UGT1A7: variants seen among roughly 807,000 people sequenced by gnomAD.
The protein encoded by UGT1A7 is UDP-glucuronosyltransferase 1A7.
In UGT1A7, 33 loss-of-function variants were observed where a neutral mutation model predicts 45.6. The observed-to-expected ratio is 0.72, with a 90% confidence interval of 0.55 to 0.97. The LOEUF (loss-of-function observed/expected upper bound fraction) is 0.97. Among genes scored for constraint, UGT1A7 ranks in the 50% least tolerant of loss-of-function variants. The pLI, the probability that UGT1A7 is intolerant of heterozygous loss-of-function variation, is 0.00. For missense variants in UGT1A7, 684 were observed against 666.2 expected, an observed-to-expected ratio of 1.03 and a Z score of -0.29; for synonymous variants, 274 against 250.6, an observed-to-expected ratio of 1.09 and a Z score of -0.88.
chr2:233,693,023 T>G lies in UGT1A7; in HGVS notation c.855+10231T>G, dbSNP rs6759892. ...TTCCAGGATGGCCTGCCTCCTTCGC[T>G]CATTTCAGAGAATTTCTGCAGGGGT... On this transcript the variant is annotated intron_variant, in intron 1 of 4. Transcript: ENST00000373426. The G allele has an allele frequency of 0.4, 650,213 of 1,613,808 alleles. 133,167 individuals are homozygous for G. Among genetic ancestry groups the G allele is most frequent in the South Asian group, 0.45 (41,315 of 91,030 alleles).
intron 2 of UGT1A7, among the ~76,000 whole-genome samples, chr2:233,767,485 A>G (rs764164317): frequency 5.9e-4 from 90 of 152,344 alleles, no homozygotes; most frequent in Non-Finnish European, 1.1e-3. Flanking sequence ...AAATAGAAGT[A>G]TTTCTCCAAA....
chr2:233,760,187 A>G, intron 1 of UGT1A7: 1 of 1,561,346 alleles, frequency 6.4e-7, no homozygotes, highest in East Asian at 2.3e-5. Flanking sequence ...TTTTATAGTC[A>G]CGTGACACAG....
rs746130687 is a variant in UGT1A7 at position 233,713,609 on chromosome 2, A to G, written c.855+30817A>G. 4 of 1,613,842 alleles carry G rather than the reference A, an allele frequency of 2.5e-6. No individual in the cohort carries two copies. In the African/African-American group the frequency reaches 4.0e-5, roughly 16 times the overall value. On this transcript the variant is annotated intron_variant, in intron 1 of 4. Transcript: ENST00000373426. ...TAACGACCAATTCAGACCACATGACATTCCTGCAAAGGGTCAAGAACATGC... is the reference window on the plus strand; with the variant it reads ...TAACGACCAATTCAGACCACATGACGTTCCTGCAAAGGGTCAAGAACATGC...
intron 1 of UGT1A7, among the ~76,000 whole-genome samples, chr2:233,752,117 AGAT>A (rs1222756938): frequency 6.6e-6 from 1 of 152,242 alleles, no homozygotes; most frequent in African/African-American, 2.4e-5. Flanking sequence ...GAGGAGAAGA[AGAT>A]GATGGACAGA....
intron 1 of UGT1A7, among the ~76,000 whole-genome samples, chr2:233,725,299 C>G (rs59772713): frequency 6.9e-5 from 3 of 43,506 alleles, no homozygotes; most frequent in African/African-American, 2.7e-4. Flanking sequence ...GAGGCAGAGG[C>G]AGAGGCAGAG....
chr2:233,686,416 T>C (rs2074788594), intron 1 of UGT1A7, among the ~76,000 whole-genome samples: 1 of 152,184 alleles, frequency 6.6e-6, no homozygotes, highest in Non-Finnish European at 1.5e-5. Context: ...GGTGTGCAGA[T>C]AAACACACGC....
intron 1 of UGT1A7, among the ~76,000 whole-genome samples, chr2:233,741,146 C>T (rs1691577481): frequency 6.6e-6 from 1 of 151,880 alleles, no homozygotes; most frequent in Admixed American, 6.6e-5. Flanking sequence ...CCATTTATGA[C>T]AGCACTAATC....
At position 233,772,325 on chromosome 2, in the gene UGT1A7, C is replaced by CGTGTT; in HGVS notation, c.1359_1360insGTGTT (p.Leu454ValfsTer11). The CGTGTT allele has an allele frequency of 6.2e-7, 1 of 1,614,136 alleles. No individual in the cohort carries two copies. Among genetic ancestry groups the CGTGTT allele is most frequent in the Non-Finnish European group, 8.5e-7 (1 of 1,180,020 alleles). ...AGGACCGCCCGGTGGAGCCGCTGGA[C>CGTGTT]CTGGCCGTGTTCTGGGTGGAGTTTG... On this transcript the variant is annotated frameshift_variant, in exon 5 of 5. Transcript: ENST00000373426. LOFTEE classifies it high-confidence loss of function.
At chr2:233,760,542 G>A in intron 1 of UGT1A7, 1 of 1,614,262 alleles carries the variant, frequency 6.2e-7, no homozygotes, top group Non-Finnish European at 8.5e-7. Flanking sequence ...CATTCCAAAG[G>A]GAGGATGTGA....
intron 4 of UGT1A7, 114 bp downstream of exon 4, chr2:233,768,553 AT>A (rs1280927222): frequency 2.3e-5 from 34 of 1,477,264 alleles, no homozygotes; most frequent in Non-Finnish European, 2.9e-5. Context: ...ATAAAAACAA[AT>A]ACATAAAAAT....
At chr2:233,721,050 TG>T (rs1173699301) in intron 1 of UGT1A7, among the ~76,000 whole-genome samples, 91 of 152,238 alleles carry the variant, frequency 6.0e-4, no homozygotes, top group Non-Finnish European at 3.1e-4. Context: ...AGCCCTTTTT[TG>T]TCATATTCAC....
At chr2:233,765,838 T>A (rs1248201211) in intron 1 of UGT1A7, among the ~76,000 whole-genome samples, 1 of 152,108 alleles carries the variant, frequency 6.6e-6, no homozygotes, top group Non-Finnish European at 1.5e-5. Flanking sequence ...AAAACTTTCC[T>A]TGTCCCCCTC....
Position 233,772,910 on chromosome 2 carries a change from T to C in UGT1A7, c.*351T>C. Reference sequence around the variant, plus strand: ...AAGGTGGTCCCACGGCTGCCCCTACTGCAAATGGCAGTTTTAATCTTATCT... The same window carrying C: ...AAGGTGGTCCCACGGCTGCCCCTACCGCAAATGGCAGTTTTAATCTTATCT... On this transcript the variant is annotated 3_prime_UTR_variant, in exon 5 of 5. Coordinates refer to ENST00000373426, the MANE Select transcript of UGT1A7 (RefSeq NM_019077.3). The C allele has an allele frequency of 2.5e-6, 1 of 393,908 alleles. No individual in the cohort carries two copies. Among genetic ancestry groups the C allele is most frequent in the Non-Finnish European group, 4.4e-6 (1 of 225,416 alleles). 24.4% of individuals were successfully genotyped at this position (393,908 alleles called of 1,614,324 possible). A position where few individuals can be genotyped will look rare whatever the true frequency, so the allele number is the denominator to read the frequency against.
rs934551202 is a variant in UGT1A7 at position 233,699,876 on chromosome 2, G to A, written c.855+17084G>A. On this transcript the variant is annotated intron_variant, in intron 1 of 4. Coordinates refer to ENST00000373426, the MANE Select transcript of UGT1A7 (RefSeq NM_019077.3). ...AGATATGTCTGAAGACATTTTTGGT[G>A]TTGCAATTGGAGAGGCGAAATAGTC... is the stretch of plus-strand genomic sequence containing the variant. Among the ~76,000 whole-genome samples, 57 of 152,266 alleles carry A rather than the reference G, an allele frequency of 3.7e-4. 1 individual carries two copies. The highest frequency in any genetic ancestry group is 3.9e-4 in the East Asian group (2 of 5,188).
chr2:233,768,127 A>G, intron 3 of UGT1A7, 93 bp from the exon 4 acceptor site: 1 of 1,605,192 alleles, frequency 6.2e-7, no homozygotes, highest in Admixed American at 1.7e-5. Flanking sequence ...TGTGAGTAAC[A>G]CTGAGTCTTT....
At chr2:233,747,871 T>G (rs12466997) in intron 1 of UGT1A7, 2 of 1,613,304 alleles carry the variant, frequency 1.2e-6, no homozygotes, top group Non-Finnish European at 1.7e-6. Flanking sequence ...CCTCTGGCCC[T>G]GTCCTACCTT....
At chr2:233,719,461 T>C (rs1219690957) in intron 1 of UGT1A7, 1 of 1,613,972 alleles carries the variant, frequency 6.2e-7, no homozygotes, top group Non-Finnish European at 8.5e-7. Context: ...GTCAAGAACA[T>C]GCTCTACCCT....
rs4148323 is a variant in UGT1A7, at chr2:233,760,498, G to A, written c.856-6536G>A. The A allele has an allele frequency of 9.2e-3, 14,886 of 1,614,236 alleles. 811 individuals carry two copies. The East Asian group carries it at 0.16, about 18-fold the overall frequency. On this transcript the variant is annotated intron_variant, in intron 1 of 4. Coordinates refer to ENST00000373426, the MANE Select transcript of UGT1A7 (RefSeq NM_019077.3). Reference sequence around the variant, plus strand: ...TGACGCCTCGTTGTACATCAGAGACGGAGCATTTTACACCTTGAAGACGTA... The same window carrying A: ...TGACGCCTCGTTGTACATCAGAGACAGAGCATTTTACACCTTGAAGACGTA...
chr2:233,717,412 C>T (rs961485519), intron 1 of UGT1A7, among the ~76,000 whole-genome samples: 22 of 152,222 alleles, frequency 1.4e-4, no homozygotes, highest in African/African-American at 5.3e-4. Context: ...ATATGCCTCC[C>T]TTGAGCTGGG....
Sources: allele counts gnomAD v4.1 joint callset (sites outside exome capture counted in the v4.1 genomes callset), GRCh38; gene constraint gnomAD v4.1.1; transcripts MANE v1.5; gene names NCBI Gene and HGNC (gene_info 2026-07-23, HGNC 2026-07-21).